ZEB2: variants seen among roughly 807,000 people sequenced by gnomAD.
The protein encoded by ZEB2 is zinc finger E-box binding homeobox 2.
A neutral mutation model predicts 99.9 loss-of-function variants in ZEB2; 6 were observed. The observed-to-expected ratio is 0.06, with a 90% confidence interval of 0.03 to 0.12. The LOEUF (loss-of-function observed/expected upper bound fraction) is 0.12. ZEB2 is among the 10% of genes least tolerant of loss of function. The pLI is 1.00. For missense variants in ZEB2, 969 were observed against 1,502.8 expected (o/e 0.64, Z 5.87); for synonymous variants, 517 against 542.5 (o/e 0.95, Z 0.65).
chr2:144,491,743 C>T (rs1357830138), intron 2 of ZEB2, among the ~76,000 whole-genome samples: 2 of 152,190 alleles, frequency 1.3e-5, no homozygotes, highest in South Asian at 2.1e-4. Flanking sequence ...TATTTACATG[C>T]CCCTCTTCAG....
intron 4 of ZEB2, among the ~76,000 whole-genome samples, chr2:144,405,635 G>A (rs1366749841): frequency 6.6e-6 from 1 of 151,630 alleles, no homozygotes; most frequent in African/African-American, 2.4e-5. Context: ...ACCAGAATGT[G>A]GCATTTTATC....
intron 2 of ZEB2, among the ~76,000 whole-genome samples, chr2:144,498,136 T>C (rs1385597809): frequency 1.8e-5 from 2 of 110,144 alleles, no homozygotes; most frequent in Non-Finnish European, 3.5e-5. Context: ...TTATATATTA[T>C]ATAATATACT....
chr2:144,457,923 G>T (rs926363183), intron 2 of ZEB2, among the ~76,000 whole-genome samples: 1 of 152,036 alleles, frequency 6.6e-6, no homozygotes, highest in African/African-American at 2.4e-5. Context: ...AGGATTTGAG[G>T]TTAGGTATTC....
At chr2:144,419,424 C>T (rs1001273833) in intron 4 of ZEB2, among the ~76,000 whole-genome samples, 2 of 152,104 alleles carry the variant, frequency 1.3e-5, no homozygotes, top group African/African-American at 4.8e-5. Context: ...ATTAATAGCC[C>T]TTTATAACTA....
intron 2 of ZEB2, among the ~76,000 whole-genome samples, chr2:144,453,151 T>C (rs532653634): frequency 3.5e-4 from 53 of 152,212 alleles, no homozygotes; most frequent in Non-Finnish European, 5.1e-4. Flanking sequence ...AGCCAAGCAG[T>C]TCGTGCTATA....
chr2:144,518,739 T>G (rs1253492628), intron 1 of ZEB2: 5 of 152,322 alleles, frequency 3.3e-5, no homozygotes, highest in African/African-American at 1.2e-4. Context: ...TCCTATTGAT[T>G]TGAAATTGTT....
Position 144,398,750 on chromosome 2 carries a change from C to T in ZEB2, c.2437G>A (p.Ala813Thr). 6.2e-7 allele frequency: 1 copy of T among 1,614,120 alleles called. No individual in the cohort carries two copies. The highest frequency in any genetic ancestry group is 8.5e-7 in the Non-Finnish European group (1 of 1,180,036). ...GGTAATGACAAGTCTAAAGGCTCAG[C>T]CTGGAGCTCCTCAGAAGAGAAGCTG... ...PNSFSSEELQ[A>T]EPLDLSLPKQ... Residue 813 changes from alanine to threonine, a missense_variant, in exon 8 of 10, where the codon GCT becomes ACT. Physicochemically the swap from Ala to Thr is moderately conservative, Grantham distance 58. Coordinates refer to ENST00000627532, the MANE Select transcript of ZEB2 (RefSeq NM_014795.4).
chr2:144,517,873 G>T, intron 1 of ZEB2: 1 of 499,436 alleles, frequency 2.0e-6, no homozygotes, highest in Non-Finnish European at 3.5e-6. Flanking sequence ...AACAAACAAC[G>T]CGAAACAGCC....
chr2:144,483,517 C>T (rs1446842012), intron 2 of ZEB2, among the ~76,000 whole-genome samples: 1 of 152,088 alleles, frequency 6.6e-6, no homozygotes, highest in East Asian at 1.9e-4. Context: ...AGTTCCTTTA[C>T]TTTTGAAGAA....
intron 2 of ZEB2, chr2:144,450,505 G>A (rs1560629343): frequency 6.6e-6 from 1 of 152,008 alleles, no homozygotes; most frequent in African/African-American, 2.4e-5. Context: ...ATGCAAGAAA[G>A]TAACGCCTTA....
intron 2 of ZEB2, chr2:144,516,289 CCAAT>C (rs1705141466): frequency 7.0e-6 from 1 of 142,706 alleles, no homozygotes; most frequent in Admixed American, 7.1e-5. Flanking sequence ...CGCGCTCTTG[CCAAT>C]CACTTTTCTC....
At chr2:144,440,246 A>G (rs965805990) in intron 2 of ZEB2, among the ~76,000 whole-genome samples, 2 of 152,116 alleles carry the variant, frequency 1.3e-5, no homozygotes, top group African/African-American at 4.8e-5. Context: ...ACTCATGAAT[A>G]CTTCTAAATG....
At chr2:144,402,497 C>G (rs1046961901) in intron 6 of ZEB2, among the ~76,000 whole-genome samples, 7 of 152,200 alleles carry the variant, frequency 4.6e-5, no homozygotes, top group African/African-American at 1.7e-4. Flanking sequence ...ACAGCAACAG[C>G]TGCTTTGTCT....
In ZEB2 at chr2:144,399,807, T is replaced by A; in HGVS notation, c.1380A>T (p.Val460=). Residue 460 remains valine, a synonymous_variant, in exon 8 of 10, where the codon GTA becomes GTT. Coordinates refer to ENST00000627532, the MANE Select transcript of ZEB2 (RefSeq NM_014795.4). This position sits in a 1 kb window ranked among gnomAD's most constrained non-coding sequence, Gnocchi z 5.6. ...FPTMNSNLSE[V]QKVLQIVDNT... ...TGTCCACAATCTGTAGAACCTTTTG[T>A]ACCTCACTTAAATTACTATTCATGG... 6.2e-7 allele frequency: 1 copy of A among 1,614,200 alleles called. No individual in the cohort carries two copies.
At chr2:144,453,367 G>C (rs1704080068) in intron 2 of ZEB2, among the ~76,000 whole-genome samples, 1 of 152,138 alleles carries the variant, frequency 6.6e-6, no homozygotes. Flanking sequence ...TTGGACCCAG[G>C]GCAGGTCTCT....
chr2:144,476,840 A>C (rs1417815447), intron 2 of ZEB2, among the ~76,000 whole-genome samples: 1 of 152,168 alleles, frequency 6.6e-6, no homozygotes, highest in African/African-American at 2.4e-5. Context: ...TCCATGTTTC[A>C]TGTATCACTT....
At chr2:144,427,202 G>C (rs2149890057) in intron 3 of ZEB2, 1 of 152,324 alleles carries the variant, frequency 6.6e-6, no homozygotes, top group Middle Eastern at 3.4e-3. Flanking sequence ...AGATGCAGGT[G>C]ATTTATTTAA....
intron 9 of ZEB2, 58 bp downstream of exon 9, chr2:144,396,354 A>G (rs1487930848): frequency 2.1e-5 from 34 of 1,587,154 alleles, no homozygotes; most frequent in Non-Finnish European, 2.7e-5. Context: ...CTCATTAAAT[A>G]TTATGAAATG....
chr2:144,430,080 C>A, intron 2 of ZEB2, 54 bp from the exon 3 acceptor site: 1 of 1,604,442 alleles, frequency 6.2e-7, no homozygotes, highest in Non-Finnish European at 8.5e-7. Flanking sequence ...GAAACATCAG[C>A]CACCCCTAAT....
Sources: allele counts gnomAD v4.1 joint callset (sites outside exome capture counted in the v4.1 genomes callset), GRCh38; gene constraint gnomAD v4.1.1; non-coding constraint Gnocchi (gnomAD v3.1); transcripts MANE v1.5; gene names NCBI Gene and HGNC (gene_info 2026-07-23, HGNC 2026-07-21).